Variants in SYT1 observed in about 807,000 individuals in gnomAD.
The protein encoded by SYT1 is synaptotagmin 1, also known as synaptotagmin-1.
A neutral mutation model predicts 44.8 loss-of-function variants in SYT1; 8 were observed. The observed-to-expected ratio is 0.18, with a 90% CI of 0.10 to 0.32. The LOEUF (loss-of-function observed/expected upper bound fraction) is 0.32. Among genes scored for constraint, SYT1 ranks in the 10% least tolerant of loss-of-function variants. The pLI is 1.00. For missense variants in SYT1, 286 were observed against 509.3 expected (o/e 0.56, Z 4.22); for synonymous variants, 154 against 188.8 (o/e 0.82, Z 1.51).
chr12:78,957,171 TAAG>T (rs1316057742), intron 1 of SYT1, among the ~76,000 whole-genome samples: 1 of 152,134 alleles, frequency 6.6e-6, no homozygotes, highest in Non-Finnish European at 1.5e-5. Context: ...CCTTGATTAT[TAAG>T]AAGAACACCT....
At chr12:78,914,555 TGATA>T (rs552331780) in intron 1 of SYT1, among the ~76,000 whole-genome samples, 4 of 151,960 alleles carry the variant, frequency 2.6e-5, no homozygotes, top group African/African-American at 7.2e-5. Flanking sequence ...GAGCGATAGA[TGATA>T]GATAGGTAGA....
At chr12:79,269,752 C>T (rs996832046) in intron 4 of SYT1, among the ~76,000 whole-genome samples, 1 of 151,852 alleles carries the variant, frequency 6.6e-6, no homozygotes, top group Non-Finnish European at 1.5e-5. Flanking sequence ...CATGAAGAGT[C>T]CACAACTTTT....
At chr12:79,064,968 GAAAGAAA>G (rs1323488460) in intron 3 of SYT1, among the ~76,000 whole-genome samples, 17 of 149,650 alleles carry the variant, frequency 1.1e-4, no homozygotes, top group African/African-American at 3.7e-4. Context: ...AAGAAAGAAA[GAAAGAAA>G]GAAAGAAAGA....
chr12:79,045,200 G>A (rs1005401786), intron 2 of SYT1, among the ~76,000 whole-genome samples: 2 of 152,252 alleles, frequency 1.3e-5, no homozygotes, highest in Non-Finnish European at 2.9e-5. Flanking sequence ...CCGGGCAATG[G>A]CGGGCGCCCC....
intron 9 of SYT1, among the ~76,000 whole-genome samples, chr12:79,354,121 T>C (rs1883019923): frequency 1.3e-5 from 2 of 152,150 alleles, no homozygotes; most frequent in African/African-American, 4.8e-5. Context: ...CCTATGGTAA[T>C]GCATTTAATT....
At chr12:79,202,191 C>G (rs549382217) in intron 3 of SYT1, among the ~76,000 whole-genome samples, 4 of 152,110 alleles carry the variant, frequency 2.6e-5, no homozygotes, top group African/African-American at 9.7e-5. Flanking sequence ...GTATATTCAT[C>G]AGTCTTATTA....
chr12:79,431,528 A>ATTTATTTT (rs1022097774), intron 9 of SYT1, among the ~76,000 whole-genome samples: 2 of 147,486 alleles, frequency 1.4e-5, no homozygotes, highest in African/African-American at 5.0e-5. Flanking sequence ...TTATTTATTT[A>ATTTATTTT]TTTATTTATT....
At chr12:78,994,114 G>C (rs1870201178) in intron 2 of SYT1, among the ~76,000 whole-genome samples, 1 of 152,122 alleles carries the variant, frequency 6.6e-6, no homozygotes, top group South Asian at 2.1e-4. Flanking sequence ...CGAATTCCCT[G>C]TATTTATTTC....
At chr12:78,993,424 T>C (rs1388158824) in intron 2 of SYT1, among the ~76,000 whole-genome samples, 1 of 152,228 alleles carries the variant, frequency 6.6e-6, no homozygotes, top group East Asian at 1.9e-4. Context: ...AAGGCAGCTA[T>C]CCTTGAAGAT....
At chr12:78,981,319 G>T (rs1330973634) in intron 2 of SYT1, among the ~76,000 whole-genome samples, 3 of 151,898 alleles carry the variant, frequency 2.0e-5, no homozygotes, top group Admixed American at 6.6e-5. Flanking sequence ...TAGAGATGGG[G>T]TTTCTCCATG....
intron 1 of SYT1, among the ~76,000 whole-genome samples, chr12:78,971,881 T>G (rs1240021401): frequency 6.6e-6 from 1 of 152,100 alleles, no homozygotes. Context: ...TGAACACTGT[T>G]TTCAAGGAAG....
chr12:78,947,861 A>G (rs1174731737), intron 1 of SYT1, among the ~76,000 whole-genome samples: 1 of 151,944 alleles, frequency 6.6e-6, no homozygotes, highest in Non-Finnish European at 1.5e-5. Context: ...AAAAGCCAAT[A>G]TAAGTCTTTT....
intron 9 of SYT1, among the ~76,000 whole-genome samples, chr12:79,432,920 T>A (rs1295293601): frequency 6.6e-6 from 1 of 152,162 alleles, no homozygotes; most frequent in Non-Finnish European, 1.5e-5. Flanking sequence ...CCCTATTTTC[T>A]TTTTTAAGCA....
chr12:79,422,594 T>G (rs544670595), intron 9 of SYT1, among the ~76,000 whole-genome samples: 5 of 151,624 alleles, frequency 3.3e-5, no homozygotes, highest in African/African-American at 1.2e-4. Context: ...GTGCAGGGAG[T>G]AGAGAGGGAA....
At chr12:78,942,811 C>A (rs187525709) in intron 1 of SYT1, among the ~76,000 whole-genome samples, 23 of 152,198 alleles carry the variant, frequency 1.5e-4, no homozygotes, top group Admixed American at 6.5e-4. Context: ...AGCCGAGGGT[C>A]GACAGAAAGG....
At chr12:78,995,470 G>A (rs1390211661) in intron 2 of SYT1, among the ~76,000 whole-genome samples, 3 of 152,082 alleles carry the variant, frequency 2.0e-5, no homozygotes, top group African/African-American at 7.2e-5. Context: ...CTAACAATTT[G>A]GGCAGCTTTC....
intron 3 of SYT1, among the ~76,000 whole-genome samples, chr12:79,142,168 C>G (rs1461334439): frequency 2.0e-5 from 3 of 152,206 alleles, no homozygotes; most frequent in Non-Finnish European, 4.4e-5. Flanking sequence ...AACGCACAGA[C>G]ATTGCAGACC....
intron 2 of SYT1, among the ~76,000 whole-genome samples, chr12:78,982,489 C>T (rs1332738673): frequency 2.6e-5 from 4 of 152,064 alleles, no homozygotes; most frequent in Non-Finnish European, 1.5e-5. Flanking sequence ...ATCAAGCACC[C>T]CTCCTTTCCG....
chr12:79,381,039 C>T (rs964906349), intron 9 of SYT1, among the ~76,000 whole-genome samples: 1 of 152,122 alleles, frequency 6.6e-6, no homozygotes, highest in Non-Finnish European at 1.5e-5. Flanking sequence ...CTGTCATTAT[C>T]AACAATTTGC....
Sources: gnomAD v4.1 joint callset for allele counts (sites outside exome capture counted in the v4.1 genomes callset) on GRCh38, gnomAD v4.1.1 for gene constraint, MANE v1.5 for transcripts, NCBI Gene and HGNC (gene_info 2026-07-23, HGNC 2026-07-21) for gene names.